The following GAS2L3 variants were observed in gnomAD, a reference collection of about 807,000 sequenced individuals.
The protein encoded by GAS2L3 is growth arrest specific 2 like 3.
In GAS2L3, 28 loss-of-function variants were observed where a neutral mutation model predicts 37.0. The observed-to-expected ratio is 0.76, with a 90% confidence interval of 0.56 to 1.04. The LOEUF is 1.04. Ranked by LOEUF, GAS2L3 falls within the 50% of genes least tolerant of loss-of-function variation. The pLI, the probability that GAS2L3 is intolerant of heterozygous loss-of-function variation, is 0.00. For synonymous variants in GAS2L3, 290 were observed against 296.6 expected (o/e 0.98, Z 0.23); for missense variants, 793 against 817.6 (o/e 0.97, Z 0.37).
At chr12:100,574,826 T>C (rs1259539084) in intron 1 of GAS2L3, among the ~76,000 whole-genome samples, 1 of 152,184 alleles carries the variant, frequency 6.6e-6, no homozygotes, top group Non-Finnish European at 1.5e-5. Context: ...TGGGAACAAA[T>C]TGGAACTGTT....
At chr12:100,610,378 T>C (rs1956111649) in intron 5 of GAS2L3, among the ~76,000 whole-genome samples, 1 of 152,214 alleles carries the variant, frequency 6.6e-6, no homozygotes, top group Admixed American at 6.5e-5. Context: ...TATGCACACA[T>C]ACACACACAA....
chr12:100,626,013 A>G lies in GAS2L3; in HGVS notation c.*1123A>G, dbSNP rs1476072442. The G allele has an allele frequency of 6.6e-6, 1 of 152,196 alleles. No individual in the cohort carries two copies. The highest frequency in any genetic ancestry group is 6.5e-5 in the Admixed American group (1 of 15,288). The allele number at this position is 152,196 out of a possible 1,614,324, so 9.4% of individuals were successfully genotyped here. On this transcript the variant is annotated 3_prime_UTR_variant, in exon 10 of 10. Transcript: ENST00000547754. ...ACTGTAGGCACAGTCTCTCAAGCAT[A>G]TCCTGATCATGTAATGACTGCATAA...
intron 1 of GAS2L3, among the ~76,000 whole-genome samples, chr12:100,581,920 A>T (rs1022414611): frequency 3.9e-5 from 6 of 152,256 alleles, no homozygotes; most frequent in Admixed American, 2.6e-4. Context: ...TTGCCTTTGC[A>T]TGTAAAATAT....
chr12:100,607,194 GTATGC>G (rs1043667759), intron 5 of GAS2L3, among the ~76,000 whole-genome samples: 4 of 152,078 alleles, frequency 2.6e-5, no homozygotes, highest in Non-Finnish European at 5.9e-5. Flanking sequence ...TTTTCACTGG[GTATGC>G]TATTCTAGGG....
At position 100,626,657 on chromosome 12, in the gene GAS2L3, A is replaced by G. The variant is rs931690239; in HGVS notation, c.*1767A>G. ...TTTTAGAACTTAAAAGAAAGCAAAA[A>G]GTAAATGGAATTGTAGGCAATTTAT... is the stretch of plus-strand genomic sequence containing the variant. On this transcript the variant is annotated 3_prime_UTR_variant, in exon 10 of 10. Coordinates refer to ENST00000547754, the MANE Select transcript of GAS2L3 (RefSeq NM_174942.3). 1 of 152,232 alleles carries G rather than the reference A, an allele frequency of 6.6e-6. No individual in the cohort carries two copies. The highest frequency in any genetic ancestry group is 2.4e-5 in the African/African-American group (1 of 41,460). The allele number at this position is 152,232 out of a possible 1,614,324, so 9.4% of individuals were successfully genotyped here. A position where few individuals can be genotyped will look rare whatever the true frequency, so the allele number is the denominator to read the frequency against.
chr12:100,579,337 G>C (rs1197342330), intron 1 of GAS2L3: 3 of 681,994 alleles, frequency 4.4e-6, no homozygotes, highest in South Asian at 1.8e-5. Context: ...GAGCGGCACT[G>C]ATTACTGAAA....
chr12:100,618,545 CA>C lies in GAS2L3; in HGVS notation c.607del (p.Ile203PhefsTer42). 6.2e-7 allele frequency: 1 copy of C among 1,612,434 alleles called. No homozygotes were observed. Among genetic ancestry groups the C allele is most frequent in the Non-Finnish European group, 8.5e-7 (1 of 1,179,294 alleles). ...CTTCTGGGCCTGAAGATTCCATCAGCATTCCAAAATCATGCTGTCGGCATGA... is the reference window on the plus strand; with the variant it reads ...CTTCTGGGCCTGAAGATTCCATCAGCTTCCAAAATCATGCTGTCGGCATGA... ...NTSGPEDSIS[I>X]PKSCCRHEEL... On this transcript the variant is annotated frameshift_variant, in exon 8 of 10. Transcript: ENST00000547754. LOFTEE classifies it high-confidence loss of function.
At chr12:100,578,829 GAACCC>G in intron 1 of GAS2L3, 3 of 684,304 alleles carry the variant, frequency 4.4e-6, no homozygotes, top group Non-Finnish European at 8.2e-6. Flanking sequence ...TACACACGTA[GAACCC>G]ATACCCATAA....
At chr12:100,596,965 G>T (rs911256804) in intron 3 of GAS2L3, among the ~76,000 whole-genome samples, 1 of 151,956 alleles carries the variant, frequency 6.6e-6, no homozygotes, top group Non-Finnish European at 1.5e-5. Context: ...CTTCATACAT[G>T]CAGTTTTTGT....
chr12:100,586,461 T>C (rs983877043), intron 1 of GAS2L3, among the ~76,000 whole-genome samples: 5 of 152,120 alleles, frequency 3.3e-5, no homozygotes, highest in Admixed American at 6.5e-5. Flanking sequence ...GGAAACTCAA[T>C]AGCCTGCTCC....
chr12:100,624,130 C>G lies in GAS2L3; in HGVS notation c.1325C>G (p.Pro442Arg), dbSNP rs367939035. The part of the protein sequence containing the change: ...PRKCISSPNT[P>R]KAKVIPAQNS... Reference sequence around the variant, plus strand: ...AAATGTATTTCATCCCCCAATACCCCCAAGGCCAAGGTTATTCCAGCCCAG... The same window carrying G: ...AAATGTATTTCATCCCCCAATACCCGCAAGGCCAAGGTTATTCCAGCCCAG... The change falls in exon 10 of 10, where the codon CCC (proline) becomes CGC (arginine). Residue 442 changes from proline (P) to arginine (R), a missense_variant. Physicochemically the swap from Pro to Arg is moderately radical, Grantham distance 103 (BLOSUM62 -2). Transcript: ENST00000547754. 248 of 1,613,780 alleles carry G rather than the reference C, an allele frequency of 1.5e-4. No homozygotes were observed. Among genetic ancestry groups the G allele is most frequent in the African/African-American group, 9.7e-4 (73 of 74,904 alleles).
Position 100,624,586 on chromosome 12 carries a change from A to G in GAS2L3, c.1781A>G (p.Lys594Arg), listed in dbSNP as rs1260706952. Residue 594 changes from lysine (K) to arginine (R), a missense_variant, in exon 10 of 10, where the codon AAA becomes AGA. Transcript: ENST00000547754. ...VSATKKQPQN[K>R]SAFQKTGPSS... ...GCTACCAAAAAGCAGCCTCAGAATAAAAGTGCATTTCAGAAGACAGGACCC... is the reference window on the plus strand; with the variant it reads ...GCTACCAAAAAGCAGCCTCAGAATAGAAGTGCATTTCAGAAGACAGGACCC... The G allele has an allele frequency of 1.2e-6, 2 of 1,614,096 alleles. No homozygotes were observed.
intron 5 of GAS2L3, among the ~76,000 whole-genome samples, chr12:100,608,370 T>C (rs1226304493): frequency 6.6e-6 from 1 of 152,156 alleles, no homozygotes; most frequent in Non-Finnish European, 1.5e-5. Flanking sequence ...CAAGACCTGC[T>C]GTAACCACCA....
At chr12:100,599,813 A>C (rs1255326154) in intron 3 of GAS2L3, among the ~76,000 whole-genome samples, 1 of 152,236 alleles carries the variant, frequency 6.6e-6, no homozygotes, top group African/African-American at 2.4e-5. Context: ...TGTTAAACTT[A>C]CTCAGCTAAC....
At chr12:100,579,543 A>G (rs962374076) in intron 1 of GAS2L3, 5 of 774,408 alleles carry the variant, frequency 6.5e-6, no homozygotes, top group Non-Finnish European at 9.6e-6. Flanking sequence ...GGGACCAAAG[A>G]GAATCATTTT....
At chr12:100,586,553 A>G (rs898417677) in intron 1 of GAS2L3, among the ~76,000 whole-genome samples, 1 of 152,224 alleles carries the variant, frequency 6.6e-6, no homozygotes, top group African/African-American at 2.4e-5. Flanking sequence ...GACACAACCT[A>G]TCAAAACCTC....
chr12:100,584,507 C>T (rs1249994733), intron 1 of GAS2L3, among the ~76,000 whole-genome samples: 1 of 152,032 alleles, frequency 6.6e-6, no homozygotes, highest in Non-Finnish European at 1.5e-5. Flanking sequence ...CAATTTTTAT[C>T]TCCTCCTGAA....
At position 100,612,094 on chromosome 12, in the gene GAS2L3, G is replaced by A. The variant is rs746327411; in HGVS notation, c.398G>A (p.Arg133Lys). Residue 133 changes from arginine to lysine, a missense_variant, in exon 6 of 10, where the codon AGG (arginine) becomes AAG (lysine). Coordinates refer to ENST00000547754, the MANE Select transcript of GAS2L3 (RefSeq NM_174942.3). ...DNTANFLHWCRDIGVDETYLF... is the reference protein window; with the variant it reads ...DNTANFLHWCKDIGVDETYLF... Reference sequence around the variant, plus strand: ...ACCGCAAACTTCCTTCACTGGTGTAGGGACATTGGGGTTGATGAAACTTAC... The same window carrying A: ...ACCGCAAACTTCCTTCACTGGTGTAAGGACATTGGGGTTGATGAAACTTAC... 8.7e-6 allele frequency: 14 copies of A among 1,612,724 alleles called. No homozygotes were observed. In the Admixed American group the frequency reaches 2.3e-4, roughly 27 times the overall value.
At chr12:100,611,843 T>C (rs1459191155) in intron 5 of GAS2L3, among the ~76,000 whole-genome samples, 157 bp from the exon 6 acceptor site, 3 of 152,140 alleles carry the variant, frequency 2.0e-5, no homozygotes, top group African/African-American at 7.2e-5. Context: ...TGCTTTAAAG[T>C]AAAATAAAAT....
Sources: allele counts gnomAD v4.1 joint callset (sites outside exome capture counted in the v4.1 genomes callset), GRCh38; gene constraint gnomAD v4.1.1; transcripts MANE v1.5; gene names NCBI Gene and HGNC (gene_info 2026-07-23, HGNC 2026-07-21).